Variants in ADAMTS19 observed in about 807,000 individuals in gnomAD.
The protein encoded by ADAMTS19 is ADAM metallopeptidase with thrombospondin type 1 motif 19.
ADAMTS19 carries 93 observed loss-of-function variants against 153.3 expected under a neutral mutation model. The observed-to-expected ratio is 0.61, with a 90% CI of 0.51 to 0.72. The LOEUF is 0.72. Ranked by LOEUF, ADAMTS19 falls within the 30% of genes least tolerant of loss-of-function variation. The pLI is 0.00. For synonymous variants in ADAMTS19, 600 were observed against 556.6 expected (o/e 1.08, Z -1.10); for missense variants, 1,482 against 1,552.1 (o/e 0.95, Z 0.76).
At chr5:129,467,714 C>A (rs1749916473) in intron 2 of ADAMTS19, among the ~76,000 whole-genome samples, 1 of 152,172 alleles carries the variant, frequency 6.6e-6, no homozygotes, top group Non-Finnish European at 1.5e-5. Flanking sequence ...CCATTCAAAT[C>A]TGAGGCCAAA....
intron 6 of ADAMTS19, among the ~76,000 whole-genome samples, chr5:129,537,230 C>A (rs1561558171): frequency 1.3e-5 from 2 of 152,036 alleles, no homozygotes; most frequent in Non-Finnish European, 2.9e-5. Context: ...AATGAGATAC[C>A]ATCTCACACC....
At chr5:129,546,619 A>G (rs1004415593) in intron 6 of ADAMTS19, among the ~76,000 whole-genome samples, 5 of 151,108 alleles carry the variant, frequency 3.3e-5, no homozygotes, top group African/African-American at 1.2e-4. Context: ...AGTTGACTTT[A>G]TAACAACTCA....
At chr5:129,551,229 TC>T (rs2126822381) in intron 6 of ADAMTS19, among the ~76,000 whole-genome samples, 1 of 151,802 alleles carries the variant, frequency 6.6e-6, no homozygotes, top group South Asian at 2.1e-4. Context: ...CTTATTAAGG[TC>T]TATTAAATTT....
At chr5:129,676,548 A>G (rs1477719812) in intron 16 of ADAMTS19, among the ~76,000 whole-genome samples, 3 of 152,034 alleles carry the variant, frequency 2.0e-5, no homozygotes, top group Non-Finnish European at 4.4e-5. Context: ...AAAGCCAAGC[A>G]GTTTTAGAGA....
intron 16 of ADAMTS19, among the ~76,000 whole-genome samples, chr5:129,666,046 A>C (rs1489309344): frequency 6.6e-6 from 1 of 151,350 alleles, no homozygotes; most frequent in Non-Finnish European, 1.5e-5. Flanking sequence ...AATGTTCTAC[A>C]TACTAAAGGA....
chr5:129,661,547 T>C (rs1753813467), intron 15 of ADAMTS19, among the ~76,000 whole-genome samples: 1 of 152,226 alleles, frequency 6.6e-6, no homozygotes, highest in South Asian at 2.1e-4. Flanking sequence ...GTAACCCACG[T>C]GCAAACACAC....
chr5:129,461,202 G>A lies in ADAMTS19; in HGVS notation c.192G>A (p.Ala64=). 7.7e-7 allele frequency: 1 copy of A among 1,306,762 alleles called. No homozygotes were observed. Among genetic ancestry groups the A allele is most frequent in the Admixed American group, 3.8e-5 (1 of 26,058 alleles). 80.9% of individuals were successfully genotyped at this position (1,306,762 alleles called of 1,614,324 possible). The change falls in exon 2 of 23, where the codon GCG becomes GCA. Residue 64 remains alanine, a synonymous_variant. Transcript: ENST00000274487. This position sits in a 1 kb window ranked among gnomAD's most constrained non-coding sequence, Gnocchi z 4.6. ...CGGCTGGCGGCAGCGGGGGCAGCGC[G>A]GACCCGGGCTGGGTGCGCGGCGTTG... ...VDPAGGSGGS[A]DPGWVRGVGG...
Position 129,461,474 on chromosome 5 carries a change from C to T in ADAMTS19, c.464C>T (p.Pro155Leu), listed in dbSNP as rs1749658346. The change falls in exon 2 of 23, where the codon CCC becomes CTC. Residue 155 changes from proline to leucine, a missense_variant. Coordinates refer to ENST00000274487, the MANE Select transcript of ADAMTS19 (RefSeq NM_133638.6). The surrounding 1 kb of genome is among the most constrained non-coding windows in gnomAD (Gnocchi z 4.6). Reference protein sequence around the residue: ...SWQPPPPPQPPPSPPPAQHAE... With the variant: ...SWQPPPPPQPLPSPPPAQHAE... ...CAGCCGCCGCCTCCCCCGCAGCCGCCCCCGTCCCCGCCCCCGGCCCAGCAT... is the reference window on the plus strand; with the variant it reads ...CAGCCGCCGCCTCCCCCGCAGCCGCTCCCGTCCCCGCCCCCGGCCCAGCAT... 2 of 1,475,414 alleles carry T rather than the reference C, an allele frequency of 1.4e-6. No individual in the cohort carries two copies. The highest frequency in any genetic ancestry group is 1.8e-6 in the Non-Finnish European group (2 of 1,122,302). 91.4% of individuals were successfully genotyped at this position (1,475,414 alleles called of 1,614,324 possible).
At chr5:129,728,800 G>A (rs1328870907) in intron 21 of ADAMTS19, among the ~76,000 whole-genome samples, 2 of 152,066 alleles carry the variant, frequency 1.3e-5, no homozygotes, top group Non-Finnish European at 2.9e-5. Context: ...AATCTCTGGT[G>A]TTTGTATTTT....
intron 20 of ADAMTS19, 129 bp downstream of exon 20, chr5:129,701,721 TG>T: frequency 2.3e-6 from 2 of 880,624 alleles, no homozygotes; most frequent in South Asian, 4.4e-5. Context: ...ATTTTGTTGA[TG>T]ATTAAAGGAA....
In ADAMTS19 at chr5:129,553,756, A is replaced by C. The variant is rs1753216993; in HGVS notation, c.1372+1849A>C. Among the ~76,000 whole-genome samples the C allele has an allele frequency of 2.0e-5, 3 of 152,082 alleles. No homozygotes were observed. In the South Asian group the frequency reaches 6.2e-4, roughly 32 times the overall value. On this transcript the variant is annotated intron_variant, in intron 7 of 22. Coordinates refer to ENST00000274487, the MANE Select transcript of ADAMTS19 (RefSeq NM_133638.6). The stretch of plus-strand genomic sequence containing the variant: ...CCTATGCAGTCTTGACAGAGTAAAA[A>C]TCTGAAATATTTCTTCAAGAGAGGT...
intron 10 of ADAMTS19, among the ~76,000 whole-genome samples, chr5:129,639,194 C>T (rs905780076): frequency 6.6e-6 from 1 of 152,122 alleles, no homozygotes; most frequent in Non-Finnish European, 1.5e-5. Context: ...GCCTGTGTAA[C>T]ATATGGACAG....
chr5:129,525,297 G>T (rs1429872767), intron 3 of ADAMTS19, among the ~76,000 whole-genome samples: 1 of 152,062 alleles, frequency 6.6e-6, no homozygotes, highest in Non-Finnish European at 1.5e-5. Context: ...TGTCCCCACA[G>T]TCTTGTCAGC....
At chr5:129,620,314 T>C (rs1285398790) in intron 8 of ADAMTS19, among the ~76,000 whole-genome samples, 1 of 152,058 alleles carries the variant, frequency 6.6e-6, no homozygotes, top group Non-Finnish European at 1.5e-5. Flanking sequence ...GTTTCATACA[T>C]ACTATTATGC....
chr5:129,512,244 C>T (rs993225987), intron 3 of ADAMTS19, among the ~76,000 whole-genome samples: 5 of 152,018 alleles, frequency 3.3e-5, no homozygotes, highest in South Asian at 2.1e-4. Context: ...CTCCATTCTT[C>T]GAGCTGACTT....
Position 129,701,383 on chromosome 5 carries a change from T to C in ADAMTS19, c.2955-5T>C. ...TGTTTCCAGTGACTCTTGCTTTACT[T>C]TCAGGTGGATGATGACAGAATGGAC... On this transcript the variant is annotated splice_polypyrimidine_tract_variant and splice_region_variant and intron_variant, in intron 19 of 22. Transcript: ENST00000274487. 1 of 1,614,156 alleles carries C rather than the reference T, an allele frequency of 6.2e-7. No individual in the cohort carries two copies. The highest frequency in any genetic ancestry group is 1.1e-5 in the South Asian group (1 of 91,088).
intron 6 of ADAMTS19, among the ~76,000 whole-genome samples, chr5:129,551,356 T>C (rs1333677812): frequency 6.6e-6 from 1 of 151,704 alleles, no homozygotes; most frequent in Admixed American, 6.6e-5. Flanking sequence ...ATCCCATTTA[T>C]GTAAAATAAT....
intron 16 of ADAMTS19, among the ~76,000 whole-genome samples, chr5:129,674,123 C>A (rs913283361): frequency 6.6e-6 from 1 of 151,852 alleles, no homozygotes; most frequent in Non-Finnish European, 1.5e-5. Context: ...CCCAGCTACT[C>A]AGGAGGCTGA....
chr5:129,721,201 T>G (rs560994509), intron 21 of ADAMTS19, among the ~76,000 whole-genome samples: 1 of 152,342 alleles, frequency 6.6e-6, no homozygotes, highest in South Asian at 2.1e-4. Context: ...AGCATAGTGG[T>G]GTTCATATAA....
Sources: allele counts gnomAD v4.1 joint callset (sites outside exome capture counted in the v4.1 genomes callset), GRCh38; gene constraint gnomAD v4.1.1; non-coding constraint Gnocchi (gnomAD v3.1); transcripts MANE v1.5; gene names NCBI Gene and HGNC (gene_info 2026-07-23, HGNC 2026-07-21).